The following TMEM132D variants were observed in gnomAD, a reference collection of about 807,000 sequenced individuals.
TMEM132D encodes the protein mature OL transmembrane protein.
TMEM132D carries 21 observed loss-of-function variants against 62.3 expected under a neutral mutation model. The ratio of observed to expected loss-of-function variants is 0.34; its 90% CI spans 0.24 to 0.49. The LOEUF (loss-of-function observed/expected upper bound fraction) is 0.49, where lower values mean the gene tolerates loss of function less well. TMEM132D is among the 20% of genes least tolerant of loss of function. The pLI is 0.99. For synonymous variants in TMEM132D, 621 were observed against 575.6 expected, an observed-to-expected ratio of 1.08 and a Z score of -1.13; for missense variants, 1,346 against 1,402.8, an observed-to-expected ratio of 0.96 and a Z score of 0.65.
intron 1 of TMEM132D, among the ~76,000 whole-genome samples, chr12:129,790,676 G>A (rs961045312): frequency 6.6e-6 from 1 of 152,140 alleles, no homozygotes; most frequent in Admixed American, 6.5e-5. Flanking sequence ...ATTTGAGCAG[G>A]AAAACAGGAA....
chr12:129,375,631 C>A (rs887674996), intron 3 of TMEM132D, among the ~76,000 whole-genome samples: 3 of 152,144 alleles, frequency 2.0e-5, no homozygotes, highest in Non-Finnish European at 4.4e-5. Context: ...AGAGCATGCC[C>A]TTTAAATCAG....
intron 5 of TMEM132D, among the ~76,000 whole-genome samples, chr12:129,114,478 C>T (rs1272494862): frequency 6.6e-6 from 1 of 151,714 alleles, no homozygotes; most frequent in African/African-American, 2.4e-5. Context: ...TTCTCCTTCC[C>T]TTCCTCCTTT....
At chr12:129,394,668 C>A (rs889621904) in intron 3 of TMEM132D, among the ~76,000 whole-genome samples, 22 of 152,238 alleles carry the variant, frequency 1.4e-4, no homozygotes, top group African/African-American at 5.3e-4. Flanking sequence ...CGGGGCTGGA[C>A]TGTGCACATA....
chr12:129,430,107 A>T (rs549069995), intron 3 of TMEM132D, among the ~76,000 whole-genome samples: 23 of 152,292 alleles, frequency 1.5e-4, no homozygotes, highest in African/African-American at 5.5e-4. Context: ...CAGTAATGGG[A>T]TGGCTGGGTC....
chr12:129,634,404 G>A (rs1879426022), intron 2 of TMEM132D, among the ~76,000 whole-genome samples: 1 of 150,718 alleles, frequency 6.6e-6, no homozygotes, highest in South Asian at 2.1e-4. Flanking sequence ...AACCCAGGAT[G>A]TCGAGGCTGC....
At chr12:129,098,368 T>A (rs1875181024) in intron 5 of TMEM132D, among the ~76,000 whole-genome samples, 1 of 152,076 alleles carries the variant, frequency 6.6e-6, no homozygotes, top group Non-Finnish European at 1.5e-5. Context: ...AGAATGATAG[T>A]GATGATGATG....
intron 3 of TMEM132D, among the ~76,000 whole-genome samples, chr12:129,526,557 A>G (rs1876046951): frequency 6.6e-6 from 1 of 152,320 alleles, no homozygotes; most frequent in East Asian, 1.9e-4. Context: ...TGCTGGGATT[A>G]CAGGCATGAG....
At chr12:129,460,479 G>A (rs571870629) in intron 3 of TMEM132D, among the ~76,000 whole-genome samples, 10 of 152,230 alleles carry the variant, frequency 6.6e-5, no homozygotes, top group Admixed American at 2.0e-4. Flanking sequence ...GAACACACCC[G>A]CTTTGTGATG....
chr12:129,327,016 G>A (rs1298444796), intron 4 of TMEM132D, among the ~76,000 whole-genome samples: 1 of 152,174 alleles, frequency 6.6e-6, no homozygotes, highest in African/African-American at 2.4e-5. Flanking sequence ...ACTGACACAC[G>A]TGGCCGTGTT....
intron 1 of TMEM132D, among the ~76,000 whole-genome samples, chr12:129,723,311 C>T (rs1448940328): frequency 3.9e-5 from 6 of 152,298 alleles, no homozygotes; most frequent in South Asian, 2.1e-4. Context: ...AGTACCTCTG[C>T]GTTCTGGGAC....
At chr12:129,447,437 C>G (rs551552946) in intron 3 of TMEM132D, among the ~76,000 whole-genome samples, 1 of 152,130 alleles carries the variant, frequency 6.6e-6, no homozygotes, top group African/African-American at 2.4e-5. Flanking sequence ...TAAACACAAC[C>G]AATAAGAAAA....
chr12:129,404,856 A>G (rs1261931869), intron 3 of TMEM132D, among the ~76,000 whole-genome samples: 1 of 152,086 alleles, frequency 6.6e-6, no homozygotes, highest in African/African-American at 2.4e-5. Flanking sequence ...ACATTTCAAC[A>G]TGAGGTTTGC....
At chr12:129,208,940 C>G (rs375955800) in intron 5 of TMEM132D, 1 of 152,134 alleles carries the variant, frequency 6.6e-6, no homozygotes, top group Non-Finnish European at 1.5e-5. Flanking sequence ...GAGGCTGAGA[C>G]GAAGGAAGGA....
intron 5 of TMEM132D, among the ~76,000 whole-genome samples, chr12:129,183,254 C>T (rs898416587): frequency 3.3e-5 from 5 of 152,230 alleles, no homozygotes; most frequent in Non-Finnish European, 5.9e-5. Flanking sequence ...CCATACCAGT[C>T]AACACGTGGC....
At chr12:129,851,074 C>T (rs1873524422) in intron 1 of TMEM132D, among the ~76,000 whole-genome samples, 1 of 152,180 alleles carries the variant, frequency 6.6e-6, no homozygotes, top group Non-Finnish European at 1.5e-5. Context: ...AATATTCATG[C>T]AAATATTAGC....
intron 5 of TMEM132D, among the ~76,000 whole-genome samples, chr12:129,134,489 T>C (rs1247346513): frequency 6.6e-6 from 1 of 152,182 alleles, no homozygotes; most frequent in African/African-American, 2.4e-5. Context: ...GTTTTATTCA[T>C]TGACCTCGAT....
At chr12:129,431,087 A>G (rs1424225828) in intron 3 of TMEM132D, among the ~76,000 whole-genome samples, 3 of 152,184 alleles carry the variant, frequency 2.0e-5, no homozygotes, top group Non-Finnish European at 4.4e-5. Context: ...CCAGGAATGG[A>G]GAAGAGAGCG....
intron 4 of TMEM132D, among the ~76,000 whole-genome samples, chr12:129,266,242 G>T (rs1367352383): frequency 6.6e-6 from 1 of 151,996 alleles, no homozygotes; most frequent in African/African-American, 2.4e-5. Flanking sequence ...GATGTCCTAC[G>T]GCCACACTGG....
intron 3 of TMEM132D, among the ~76,000 whole-genome samples, chr12:129,372,806 G>A (rs1053879039): frequency 2.6e-5 from 4 of 151,886 alleles, no homozygotes; most frequent in Non-Finnish European, 4.4e-5. Flanking sequence ...ATGGTGAGTT[G>A]TATAATTATT....
Sources: allele counts gnomAD v4.1 joint callset (sites outside exome capture counted in the v4.1 genomes callset), GRCh38; gene constraint gnomAD v4.1.1; transcripts MANE v1.5; gene names NCBI Gene and HGNC (gene_info 2026-07-23, HGNC 2026-07-21).